Variants in CRTC3 observed in about 807,000 individuals in gnomAD.
CRTC3 encodes the protein CREB regulated transcription coactivator 3.
A neutral mutation model predicts 74.5 loss-of-function variants in CRTC3; 26 were observed. The observed-to-expected ratio is 0.35, with a 90% CI of 0.26 to 0.48. CRTC3 has a LOEUF of 0.48. Ranked by LOEUF, CRTC3 falls within the 20% of genes least tolerant of loss-of-function variation. The probability of loss-of-function intolerance (pLI) is 0.99; values close to 1 mark genes in which losing one functional copy is unlikely to be tolerated. For missense variants in CRTC3, 760 were observed against 787.3 expected (o/e 0.97, Z 0.41); for synonymous variants, 377 against 325.8 (o/e 1.16, Z -1.69).
chr15:90,615,074 A>AT (rs1968456139), intron 7 of CRTC3, among the ~76,000 whole-genome samples: 3 of 151,806 alleles, frequency 2.0e-5, no homozygotes, highest in African/African-American at 7.3e-5. Context: ...AAATAAATAA[A>AT]TAAATAAATA....
Position 90,530,243 on chromosome 15 carries a change from C to G in CRTC3, c.132+40C>G, listed in dbSNP as rs1440727187. The stretch of plus-strand genomic sequence containing the variant: ...CGGCGCGGGCGGGGGCGGCCACGGC[C>G]GCGGGCGGGACCCGCGCGGCGGGTG... On this transcript the variant is annotated intron_variant, in intron 1 of 14. Transcript: ENST00000268184. The surrounding 1 kb of genome is among the most constrained non-coding windows in gnomAD (Gnocchi z 6.2). 5.8e-6 allele frequency: 6 copies of G among 1,034,326 alleles called. No homozygotes were observed. The highest frequency in any genetic ancestry group is 7.0e-6 in the Non-Finnish European group (6 of 856,048). The allele number at this position is 1,034,326 out of a possible 1,614,324, so 64.1% of individuals were successfully genotyped here.
intron 2 of CRTC3, among the ~76,000 whole-genome samples, chr15:90,542,029 C>G (rs1966811306): frequency 6.6e-6 from 1 of 151,928 alleles, no homozygotes; most frequent in African/African-American, 2.4e-5. Context: ...AGTAATCCAC[C>G]CACCTTGGCC....
At chr15:90,567,443 T>G (rs1450249269) in intron 2 of CRTC3, among the ~76,000 whole-genome samples, 2 of 152,142 alleles carry the variant, frequency 1.3e-5, no homozygotes, top group African/African-American at 4.8e-5. Flanking sequence ...TCCCAGCACT[T>G]TGGGAGGCCG....
At chr15:90,623,889 C>G (rs1423037016) in intron 9 of CRTC3, among the ~76,000 whole-genome samples, 1 of 152,214 alleles carries the variant, frequency 6.6e-6, no homozygotes, top group Non-Finnish European at 1.5e-5. Context: ...GGTCTCACAC[C>G]TCCCTGCTTT....
chr15:90,543,955 T>G (rs758035325), intron 2 of CRTC3, among the ~76,000 whole-genome samples: 2 of 152,184 alleles, frequency 1.3e-5, no homozygotes, highest in Non-Finnish European at 2.9e-5. Flanking sequence ...TCCGTAGTCT[T>G]TTGAGTTTTT....
rs560101963 is a variant in CRTC3 at position 90,633,726 on chromosome 15, G to C, written c.1266+4194G>C. Among the ~76,000 whole-genome samples, 13 of 151,484 alleles carry C rather than the reference G, an allele frequency of 8.6e-5. No individual in the cohort carries two copies. The South Asian group carries it at 2.7e-3, about 32-fold the overall frequency. On this transcript the variant is annotated intron_variant, in intron 11 of 14. Coordinates refer to ENST00000268184, the MANE Select transcript of CRTC3 (RefSeq NM_022769.5). The stretch of plus-strand genomic sequence containing the variant: ...CTGTTCTTTCTCTCTGGAACTCTAC[G>C]AATGTTGACTATCCTGGACTTTTCC...
chr15:90,642,917 G>A lies in CRTC3; in HGVS notation c.*777G>A, dbSNP rs1003756683. The stretch of plus-strand genomic sequence containing the variant: ...GGGCTGGGGAAGGAAGACAGGGACT[G>A]CAGGTGTCTCATACTCAGTGGCCTC... On this transcript the variant is annotated 3_prime_UTR_variant, in exon 15 of 15. Transcript: ENST00000268184. 3.0e-5 allele frequency: 7 copies of A among 233,160 alleles called. No homozygotes were observed. The highest frequency in any genetic ancestry group is 5.9e-5 in the Non-Finnish European group (7 of 118,148). 14.4% of individuals were successfully genotyped at this position (233,160 alleles called of 1,614,324 possible). A position where few individuals can be genotyped will look rare whatever the true frequency, so the allele number is the denominator to read the frequency against.
At chr15:90,602,496 C>T in intron 4 of CRTC3, 111 bp downstream of exon 4, 1 of 675,034 alleles carries the variant, frequency 1.5e-6, no homozygotes, top group Non-Finnish European at 2.6e-6. Flanking sequence ...GCATAGAATC[C>T]TGTTTTCTCT....
intron 2 of CRTC3, 27 bp from the exon 3 acceptor site, chr15:90,593,609 C>A: frequency 6.3e-7 from 1 of 1,587,734 alleles, no homozygotes; most frequent in East Asian, 2.3e-5. Context: ...TGGTTGGAGG[C>A]CAACTCTTCT....
At chr15:90,620,787 T>A (rs189962474) in intron 9 of CRTC3, among the ~76,000 whole-genome samples, 8 of 152,302 alleles carry the variant, frequency 5.3e-5, no homozygotes, top group Admixed American at 5.2e-4. Flanking sequence ...TCTTGCATGA[T>A]CTGACTTAGT....
intron 2 of CRTC3, among the ~76,000 whole-genome samples, chr15:90,558,797 G>A (rs1471204474): frequency 1.3e-5 from 2 of 151,802 alleles, no homozygotes; most frequent in Non-Finnish European, 2.9e-5. Context: ...TGTCGCCCAG[G>A]CTGGCGTGCA....
At chr15:90,627,881 C>T (rs1291957224) in intron 10 of CRTC3, among the ~76,000 whole-genome samples, 117 of 89,342 alleles carry the variant, frequency 1.3e-3, no homozygotes, top group African/African-American at 4.6e-3. Context: ...CCCAAAGTGC[C>T]GGGATTACAG....
chr15:90,545,812 T>A lies in CRTC3; in HGVS notation c.231+5675T>A, dbSNP rs560348595. ...CCAGGATGGTCTCCATCTCCTGACT[T>A]TGTGATCCGCCCGCCTTGGCCTCCC... is the stretch of plus-strand genomic sequence containing the variant. On this transcript the variant is annotated intron_variant, in intron 2 of 14. Coordinates refer to ENST00000268184, the MANE Select transcript of CRTC3 (RefSeq NM_022769.5). Among the ~76,000 whole-genome samples the A allele has an allele frequency of 4.1e-3, 618 of 152,208 alleles. 2 individuals carry two copies. The highest frequency in any genetic ancestry group is 0.02 in the Middle Eastern group (6 of 294).
chr15:90,539,940 T>C (rs1966776550), intron 1 of CRTC3, 99 bp from the exon 2 acceptor site: 2 of 833,880 alleles, frequency 2.4e-6, no homozygotes, highest in East Asian at 5.0e-5. Context: ...GAAACAAGAC[T>C]TTCATTCTTG....
rs1357171809 is a variant in CRTC3 at position 90,550,405 on chromosome 15, C to G, written c.231+10268C>G. 2.0e-5 allele frequency among the ~76,000 whole-genome samples: 3 copies of G among 148,272 alleles called. No homozygotes were observed. The East Asian group carries it at 6.0e-4, about 29-fold the overall frequency. On this transcript the variant is annotated intron_variant, in intron 2 of 14. Transcript: ENST00000268184. ...AGCCTGGGCAACAAGAGTGAAACTC[C>G]GTCTCAAAAAAAAAAAATCATTTCC...
intron 2 of CRTC3, among the ~76,000 whole-genome samples, chr15:90,579,634 CTTTTTTT>C (rs146273285): frequency 0.044 from 3,697 of 84,260 alleles, 175 homozygotes; most frequent in African/African-American, 0.17. Context: ...ACGTATTTCA[CTTTTTTT>C]TTTTTTTTTT....
intron 4 of CRTC3, among the ~76,000 whole-genome samples, chr15:90,602,863 A>G (rs1488349645): frequency 6.6e-6 from 1 of 151,808 alleles, no homozygotes; most frequent in Non-Finnish European, 1.5e-5. Flanking sequence ...AATCCCAGCT[A>G]CTTGGGAGGC....
At position 90,607,495 on chromosome 15, in the gene CRTC3, A is replaced by C; in HGVS notation, c.577+17A>C. On this transcript the variant is annotated intron_variant, in intron 6 of 14. Transcript: ENST00000268184. ...CATACATGGGTAAGACACACAGGCCACTGCTGACAGCAGCTGTGCTTGCTC... is the reference window on the plus strand; with the variant it reads ...CATACATGGGTAAGACACACAGGCCCCTGCTGACAGCAGCTGTGCTTGCTC... 1 of 1,449,170 alleles carries C rather than the reference A, an allele frequency of 6.9e-7. No homozygotes were observed. The allele number at this position is 1,449,170 out of a possible 1,614,324, so 89.8% of individuals were successfully genotyped here. A position where few individuals can be genotyped will look rare whatever the true frequency, so the allele number is the denominator to read the frequency against.
chr15:90,610,270 A>G (rs1968326469), intron 6 of CRTC3, among the ~76,000 whole-genome samples: 1 of 152,222 alleles, frequency 6.6e-6, no homozygotes, highest in East Asian at 1.9e-4. Context: ...GTGATGGGAA[A>G]ATATAATTGA....
Sources: gnomAD v4.1 joint callset for allele counts (sites outside exome capture counted in the v4.1 genomes callset) on GRCh38, gnomAD v4.1.1 for gene constraint, Gnocchi (gnomAD v3.1) non-coding constraint, MANE v1.5 for transcripts, NCBI Gene and HGNC (gene_info 2026-07-23, HGNC 2026-07-21) for gene names.